The following OSTF1 variants were observed in gnomAD, a reference collection of about 807,000 sequenced individuals.
The protein encoded by OSTF1 is osteoclast stimulating factor 1, also known as osteoclast-stimulating factor 1.
In OSTF1, 27 loss-of-function variants were observed where a neutral mutation model predicts 37.2. The ratio of observed to expected loss-of-function variants is 0.73; its 90% CI spans 0.54 to 1.00. The LOEUF (loss-of-function observed/expected upper bound fraction) is 1.00. OSTF1 is among the 50% of genes least tolerant of loss of function. The pLI, the probability that OSTF1 is intolerant of heterozygous loss-of-function variation, is 0.00. For synonymous variants in OSTF1, 82 were observed against 89.2 expected, an observed-to-expected ratio of 0.92 and a Z score of 0.46; for missense variants, 232 against 253.8, an observed-to-expected ratio of 0.91 and a Z score of 0.58.
intron 4 of OSTF1, among the ~76,000 whole-genome samples, chr9:75,131,385 G>T (rs1184392759): frequency 6.6e-6 from 1 of 152,200 alleles, no homozygotes; most frequent in Non-Finnish European, 1.5e-5. Flanking sequence ...TATCTTTAAA[G>T]CAGAGTGATC....
intron 1 of OSTF1, among the ~76,000 whole-genome samples, chr9:75,098,374 A>G (rs1367296227): frequency 2.0e-5 from 3 of 152,298 alleles, no homozygotes; most frequent in African/African-American, 7.2e-5. Flanking sequence ...TAATGTACTA[A>G]TAATTAGGCC....
At chr9:75,103,551 C>G (rs1825232425) in intron 1 of OSTF1, among the ~76,000 whole-genome samples, 1 of 152,134 alleles carries the variant, frequency 6.6e-6, no homozygotes, top group African/African-American at 2.4e-5. Flanking sequence ...TACCACCAGC[C>G]TTTTTTACAT....
At chr9:75,106,998 A>AAAAGAAAAAAAG (rs1330945696) in intron 1 of OSTF1, among the ~76,000 whole-genome samples, 7 of 151,764 alleles carry the variant, frequency 4.6e-5, no homozygotes, top group African/African-American at 1.7e-4. Context: ...AAAAAAAAAA[A>AAAAGAAAAAAAG]AAAGCAGTGG....
intron 2 of OSTF1, among the ~76,000 whole-genome samples, chr9:75,126,997 C>T (rs574401882): frequency 6.6e-6 from 1 of 152,220 alleles, no homozygotes; most frequent in Non-Finnish European, 1.5e-5. Flanking sequence ...GGCTGAGTTA[C>T]TGCTTCATAT....
intron 1 of OSTF1, among the ~76,000 whole-genome samples, chr9:75,093,576 T>G (rs1587432919): frequency 6.6e-6 from 1 of 152,192 alleles, no homozygotes; most frequent in Non-Finnish European, 1.5e-5. Context: ...CTTGTGAAAA[T>G]AAATTCATGG....
chr9:75,143,368 T>G (rs561997902), intron 9 of OSTF1, among the ~76,000 whole-genome samples: 35 of 152,310 alleles, frequency 2.3e-4, no homozygotes, highest in Admixed American at 2.0e-3. Flanking sequence ...TGTGTATAAT[T>G]TACATTAAGT....
At chr9:75,102,095 C>T (rs1311250066) in intron 1 of OSTF1, among the ~76,000 whole-genome samples, 5 of 152,164 alleles carry the variant, frequency 3.3e-5, no homozygotes, top group African/African-American at 9.7e-5. Flanking sequence ...TCCCAAGTAG[C>T]GCACATTACT....
At chr9:75,091,811 G>C (rs1824980579) in intron 1 of OSTF1, among the ~76,000 whole-genome samples, 1 of 152,140 alleles carries the variant, frequency 6.6e-6, no homozygotes, top group South Asian at 2.1e-4. Flanking sequence ...TGTGTAGTAA[G>C]GTCACTGTAG....
At chr9:75,113,838 A>G (rs988310544) in intron 1 of OSTF1, among the ~76,000 whole-genome samples, 1 of 152,218 alleles carries the variant, frequency 6.6e-6, no homozygotes, top group African/African-American at 2.4e-5. Flanking sequence ...TTTCAAGTAC[A>G]TAATACATTG....
chr9:75,139,330 T>G (rs1041577568), intron 8 of OSTF1, among the ~76,000 whole-genome samples: 1 of 152,032 alleles, frequency 6.6e-6, no homozygotes, highest in Admixed American at 6.5e-5. Flanking sequence ...GCTACTGTGC[T>G]GGCCTATTTT....
At chr9:75,109,720 T>C (rs1055935848) in intron 1 of OSTF1, among the ~76,000 whole-genome samples, 1 of 152,214 alleles carries the variant, frequency 6.6e-6, no homozygotes, top group Admixed American at 6.5e-5. Context: ...TTTCTAGTTA[T>C]GTTCCACTCC....
chr9:75,137,282 C>T (rs919843546), intron 7 of OSTF1, among the ~76,000 whole-genome samples: 4 of 152,162 alleles, frequency 2.6e-5, no homozygotes, highest in Non-Finnish European at 4.4e-5. Flanking sequence ...GATCTCCCTC[C>T]GCAGGCATGT....
chr9:75,135,732 G>T (rs1430201323), intron 7 of OSTF1, among the ~76,000 whole-genome samples: 1 of 152,152 alleles, frequency 6.6e-6, no homozygotes, highest in Non-Finnish European at 1.5e-5. Context: ...CTCTGCTCAG[G>T]GTCTCCCAGG....
chr9:75,090,296 TGTGTGTGTG>T (rs1180630896), intron 1 of OSTF1, among the ~76,000 whole-genome samples: 2 of 1,642 alleles, frequency 1.2e-3, no homozygotes, highest in African/African-American at 0.024. Context: ...CATTGACAGG[TGTGTGTGTG>T]TGTGTGTGTG....
At chr9:75,093,094 T>C (rs117875385) in intron 1 of OSTF1, among the ~76,000 whole-genome samples, 6,814 of 147,908 alleles carry the variant, frequency 0.046, 210 homozygotes, top group Middle Eastern at 0.082. Flanking sequence ...GGGATTTTGC[T>C]ATGTTGACCA....
chr9:75,141,893 A>C (rs11144250), intron 9 of OSTF1, among the ~76,000 whole-genome samples: 13,528 of 151,992 alleles, frequency 0.089, 782 homozygotes, highest in Middle Eastern at 0.16. Context: ...GACTACAGGC[A>C]TGTGTCATCA....
At chr9:75,096,569 C>T (rs186884583) in intron 1 of OSTF1, among the ~76,000 whole-genome samples, 10 of 152,170 alleles carry the variant, frequency 6.6e-5, no homozygotes, top group African/African-American at 1.9e-4. Flanking sequence ...TCCCTGGCAT[C>T]CCTACACTCC....
chr9:75,137,429 C>G, intron 7 of OSTF1, 109 bp from the exon 8 acceptor site: 1 of 690,758 alleles, frequency 1.4e-6, no homozygotes, highest in Non-Finnish European at 2.5e-6. Context: ...TAACTTTGTT[C>G]CCATTTTAGG....
At position 75,128,560 on chromosome 9, in the gene OSTF1, TATATATATATATATTTTGTCC is replaced by T. The variant is rs1271273150; in HGVS notation, c.132+956_132+976del. Among the ~76,000 whole-genome samples the T allele has an allele frequency of 4.4e-4, 15 of 34,298 alleles. 6 individuals are homozygous for T. Among genetic ancestry groups the T allele is most frequent in the African/African-American group, 2.2e-3 (15 of 6,820 alleles). The allele number at this position is 34,298 out of a possible 152,430, so 22.5% of individuals were successfully genotyped here. On this transcript the variant is annotated intron_variant, in intron 3 of 9. Transcript: ENST00000346234. ...TATATATATATTTTGTCCATATATA[TATATATATATATATTTTGTCC>T]ATATATATATATATATATATATATA...
Sources: allele counts gnomAD v4.1 joint callset (sites outside exome capture counted in the v4.1 genomes callset), GRCh38; gene constraint gnomAD v4.1.1; transcripts MANE v1.5; gene names NCBI Gene and HGNC (gene_info 2026-07-23, HGNC 2026-07-21).